Variants in ARHGAP20 observed in about 807,000 individuals in gnomAD.
The protein encoded by ARHGAP20 is Rho GTPase activating protein 20.
ARHGAP20 carries 34 observed loss-of-function variants against 73.7 expected under a neutral mutation model. That is an observed-to-expected ratio of 0.46 (90% confidence interval 0.35 to 0.61). The LOEUF is 0.61. ARHGAP20 is among the 20% of genes least tolerant of loss of function. The pLI is 0.00. For synonymous variants in ARHGAP20, 523 were observed against 518.2 expected (o/e 1.01, Z -0.13); for missense variants, 1,314 against 1,420.9 (o/e 0.92, Z 1.21).
At chr11:110,677,915 CTT>C (rs1329598732) in intron 2 of ARHGAP20, among the ~76,000 whole-genome samples, 1 of 152,052 alleles carries the variant, frequency 6.6e-6, no homozygotes, top group South Asian at 2.1e-4. Context: ...CAAACAAAAA[CTT>C]ATACATGAAT....
intron 9 of ARHGAP20, among the ~76,000 whole-genome samples, chr11:110,605,040 T>A (rs1487405279): frequency 1.3e-5 from 2 of 152,176 alleles, no homozygotes; most frequent in African/African-American, 2.4e-5. Context: ...CTTCCAACAG[T>A]GCACAGAGTT....
chr11:110,590,755 G>T lies in ARHGAP20; in HGVS notation c.1198C>A (p.Gln400Lys). The change falls in exon 11 of 15, where the codon CAA becomes AAA. Residue 400 changes from glutamine to lysine, a missense_variant. Physicochemically the swap from Gln to Lys is moderately conservative, Grantham distance 53. Coordinates refer to ENST00000683387, the MANE Select transcript of ARHGAP20 (RefSeq NM_001384657.1). Reference sequence around the variant, plus strand: ...CTGCAGGATTTCACATTGGCTGATTGCCTGAAGATACCTTTGGTGAGAGGT... The same window carrying T: ...CTGCAGGATTTCACATTGGCTGATTTCCTGAAGATACCTTTGGTGAGAGGT... The part of the protein sequence containing the change: ...KGPLTKGIFR[Q>K]SANVKSCREL... 2 of 1,613,938 alleles carry T rather than the reference G, an allele frequency of 1.2e-6. No homozygotes were observed. The highest frequency in any genetic ancestry group is 1.7e-6 in the Non-Finnish European group (2 of 1,179,966).
intron 2 of ARHGAP20, among the ~76,000 whole-genome samples, chr11:110,647,139 G>T (rs1053309997): frequency 2.6e-5 from 4 of 151,724 alleles, no homozygotes; most frequent in African/African-American, 9.7e-5. Flanking sequence ...TACTTAACAG[G>T]ATTTAATTAT....
chr11:110,669,060 G>A (rs1949778890), intron 2 of ARHGAP20, among the ~76,000 whole-genome samples: 1 of 152,002 alleles, frequency 6.6e-6, no homozygotes, highest in African/African-American at 2.4e-5. Context: ...TTTGGATATA[G>A]AAAAAAATTA....
chr11:110,657,788 G>A (rs1012526123), intron 2 of ARHGAP20, among the ~76,000 whole-genome samples: 8 of 151,666 alleles, frequency 5.3e-5, no homozygotes, highest in African/African-American at 7.3e-5. Flanking sequence ...CCAGCTACAC[G>A]GGAGGCTAAG....
At chr11:110,680,473 A>C (rs1205828622) in intron 2 of ARHGAP20, among the ~76,000 whole-genome samples, 1 of 152,160 alleles carries the variant, frequency 6.6e-6, no homozygotes, top group East Asian at 1.9e-4. Context: ...TATCTAGTTC[A>C]ATATAGTAAG....
At chr11:110,596,883 A>G (rs978916869) in intron 9 of ARHGAP20, among the ~76,000 whole-genome samples, 2 of 152,284 alleles carry the variant, frequency 1.3e-5, no homozygotes, top group East Asian at 1.9e-4. Context: ...AAAGACTTGG[A>G]ACCAACCCAA....
Position 110,606,610 on chromosome 11 carries a change from G to A in ARHGAP20, c.915C>T (p.Cys305=). 1.2e-6 allele frequency: 2 copies of A among 1,612,114 alleles called. No individual in the cohort carries two copies. The highest frequency in any genetic ancestry group is 1.7e-6 in the Non-Finnish European group (2 of 1,179,128). The change falls in exon 9 of 15, where the codon TGC becomes TGT. Residue 305 remains cysteine (C), a synonymous_variant. Transcript: ENST00000683387. The part of the protein sequence containing the change: ...LMEQLPREMQ[C]QFILKPSRLA... ...GGCGGCTGGGCTTCAGGATGAACTG[G>A]CACTGCATCTCTCGGGGGAGCTGTT...
chr11:110,672,261 A>G (rs1949843410), intron 2 of ARHGAP20, among the ~76,000 whole-genome samples: 1 of 152,194 alleles, frequency 6.6e-6, no homozygotes, highest in Non-Finnish European at 1.5e-5. Flanking sequence ...TATATATTTG[A>G]CAAAGGACCT....
intron 9 of ARHGAP20, among the ~76,000 whole-genome samples, chr11:110,604,176 C>T (rs189292667): frequency 7.4e-4 from 113 of 152,234 alleles, no homozygotes; most frequent in African/African-American, 2.6e-3. Flanking sequence ...TTGCTGACCC[C>T]TGATCTAAAT....
At chr11:110,696,924 T>C (rs1053350245) in intron 1 of ARHGAP20, among the ~76,000 whole-genome samples, 1 of 151,832 alleles carries the variant, frequency 6.6e-6, no homozygotes, top group Non-Finnish European at 1.5e-5. Context: ...TATGGCTGCA[T>C]AGTATTCCAT....
At chr11:110,583,443 G>A (rs1242919905) in intron 13 of ARHGAP20, 105 bp downstream of exon 13, 27 of 1,021,998 alleles carry the variant, frequency 2.6e-5, no homozygotes, top group Middle Eastern at 3.1e-4. Context: ...ATAAGGATAC[G>A]GTATATTTAA....
intron 9 of ARHGAP20, among the ~76,000 whole-genome samples, chr11:110,606,338 T>A (rs1948229524): frequency 6.6e-6 from 1 of 152,206 alleles, no homozygotes; most frequent in African/African-American, 2.4e-5. Flanking sequence ...GAAAGAATGG[T>A]GAAGAAAGAA....
In ARHGAP20 at chr11:110,712,086, T is replaced by A. The variant is rs1010113744; in HGVS notation, c.105+41A>T. 7.1e-6 allele frequency: 9 copies of A among 1,262,828 alleles called. No homozygotes were observed. The East Asian group carries it at 2.6e-4, about 36-fold the overall frequency. The allele number at this position is 1,262,828 out of a possible 1,614,324, so 78.2% of individuals were successfully genotyped here. A position where few individuals can be genotyped will look rare whatever the true frequency, so the allele number is the denominator to read the frequency against. On this transcript the variant is annotated intron_variant, in intron 1 of 14. Coordinates refer to ENST00000683387, the MANE Select transcript of ARHGAP20 (RefSeq NM_001384657.1). ...GAGGGCGCGCGCCGGCAGTGGGGGC[T>A]GCGGCGGCGGAGGGCACGGGCCCCC...
At position 110,711,814 on chromosome 11, in the gene ARHGAP20, C is replaced by A. The variant is rs1950665028; in HGVS notation, c.105+313G>T. 8 of 1,322,428 alleles carry A rather than the reference C, an allele frequency of 6.0e-6. No individual in the cohort carries two copies. The South Asian group carries it at 1.2e-4, about 20-fold the overall frequency. 81.9% of individuals were successfully genotyped at this position (1,322,428 alleles called of 1,614,324 possible). ...AAAGGCGATCGCCCACTACAGCCCG[C>A]GCGCCTAGACTGAGGGAGGAGCCGG... is the stretch of plus-strand genomic sequence containing the variant. On this transcript the variant is annotated intron_variant, in intron 1 of 14. Coordinates refer to ENST00000683387, the MANE Select transcript of ARHGAP20 (RefSeq NM_001384657.1).
chr11:110,709,642 T>C (rs1950610768), intron 1 of ARHGAP20, among the ~76,000 whole-genome samples: 1 of 151,982 alleles, frequency 6.6e-6, no homozygotes, highest in Admixed American at 6.6e-5. Flanking sequence ...AGAAACACCA[T>C]CAAGGCCTCA....
chr11:110,679,389 G>C (rs1949994215), intron 2 of ARHGAP20, among the ~76,000 whole-genome samples: 1 of 152,154 alleles, frequency 6.6e-6, no homozygotes. Flanking sequence ...GGGAATCACT[G>C]GATGCCATTG....
chr11:110,611,064 C>T (rs997051848), intron 7 of ARHGAP20, among the ~76,000 whole-genome samples: 55 of 151,962 alleles, frequency 3.6e-4, no homozygotes, highest in African/African-American at 1.3e-3. Context: ...TACATATTGT[C>T]ACTTTAAAAT....
chr11:110,613,769 T>C (rs1833123518), intron 6 of ARHGAP20, among the ~76,000 whole-genome samples: 1 of 152,130 alleles, frequency 6.6e-6, no homozygotes, highest in Non-Finnish European at 1.5e-5. Flanking sequence ...GGTCAGAACA[T>C]TTGCATAACT....
Sources: gnomAD v4.1 joint callset for allele counts (sites outside exome capture counted in the v4.1 genomes callset) on GRCh38, gnomAD v4.1.1 for gene constraint, MANE v1.5 for transcripts, NCBI Gene and HGNC (gene_info 2026-07-23, HGNC 2026-07-21) for gene names.